NBEA: variants seen among roughly 807,000 people sequenced by gnomAD.
The protein encoded by NBEA is lysosomal-trafficking regulator 2.
Under a neutral mutation model 343.4 loss-of-function variants are expected in NBEA, and 44 were observed. The observed-to-expected ratio is 0.13, with a 90% CI of 0.10 to 0.16. The LOEUF is 0.16. NBEA is among the 10% of genes least tolerant of loss of function. The pLI is 1.00. For missense variants in NBEA, 2,555 were observed against 3,631.3 expected (o/e 0.70, Z 7.62); for synonymous variants, 1,175 against 1,238.7 (o/e 0.95, Z 1.08).
chr13:35,141,561 G>A (rs930320862), intron 17 of NBEA, among the ~76,000 whole-genome samples: 11 of 152,208 alleles, frequency 7.2e-5, no homozygotes, highest in South Asian at 2.1e-4. Flanking sequence ...CACTGTTCCC[G>A]GCCCAGATCT....
chr13:35,104,726 G>C (rs1351934759), intron 11 of NBEA, among the ~76,000 whole-genome samples: 1 of 151,846 alleles, frequency 6.6e-6, no homozygotes, highest in African/African-American at 2.4e-5. Flanking sequence ...TAGTATATGA[G>C]AGGCCTTTTT....
At chr13:35,186,959 A>T (rs1419649682) in intron 30 of NBEA, among the ~76,000 whole-genome samples, 3 of 152,092 alleles carry the variant, frequency 2.0e-5, no homozygotes, top group South Asian at 2.1e-4. Context: ...AATAACAAAA[A>T]CAGTTGTGCT....
chr13:35,172,091 C>G (rs1007738323), intron 26 of NBEA, among the ~76,000 whole-genome samples: 1 of 151,870 alleles, frequency 6.6e-6, no homozygotes, highest in Non-Finnish European at 1.5e-5. Flanking sequence ...TTTGTACTTG[C>G]CTTAGATCAT....
intron 40 of NBEA, among the ~76,000 whole-genome samples, chr13:35,463,517 C>T (rs2047016570): frequency 6.6e-6 from 1 of 151,894 alleles, no homozygotes. Flanking sequence ...CCCAAGTACT[C>T]AGGAGGCTGA....
In NBEA at chr13:35,606,556, A is replaced by G. The variant is rs1259640098; in HGVS notation, c.7427A>G (p.Asp2476Gly). The change falls in exon 48 of 59, where the codon GAC (aspartate) becomes GGC (glycine). Residue 2476 changes from aspartate to glycine, a missense_variant. Transcript: ENST00000379939. ...DLPPWAKKPE[D>G]FVRINRMALE... ...CCCCCTTGGGCAAAAAAACCTGAAG[A>G]CTTTGTGCGGATCAACAGGATGGTA... 1.9e-6 allele frequency: 3 copies of G among 1,604,682 alleles called. No individual in the cohort carries two copies. The highest frequency in any genetic ancestry group is 2.6e-6 in the Non-Finnish European group (3 of 1,174,016).
chr13:34,959,118 A>G (rs2059582952), intron 1 of NBEA, among the ~76,000 whole-genome samples: 1 of 152,190 alleles, frequency 6.6e-6, no homozygotes, highest in African/African-American at 2.4e-5. Context: ...GTAATAATAC[A>G]GTAACTAATT....
intron 18 of NBEA, among the ~76,000 whole-genome samples, chr13:35,150,831 G>GAGTAGAGTAGAGTAGAGTA (rs1555320215): frequency 2.0e-5 from 3 of 151,586 alleles, no homozygotes; most frequent in South Asian, 2.1e-4. Flanking sequence ...GAGTAGAGTA[G>GAGTAGAGTAGAGTAGAGTA]GAGGCCAGGC....
At chr13:35,127,502 A>G (rs142967186) in intron 17 of NBEA, among the ~76,000 whole-genome samples, 156 of 152,300 alleles carry the variant, frequency 1.0e-3, no homozygotes, top group Non-Finnish European at 2.1e-3. Flanking sequence ...ATAATGTACA[A>G]ATGACACAAC....
intron 38 of NBEA, among the ~76,000 whole-genome samples, chr13:35,367,508 A>G (rs2041187297): frequency 6.6e-6 from 1 of 151,040 alleles, no homozygotes; most frequent in Non-Finnish European, 1.5e-5. Context: ...TAGAAGTTAC[A>G]AATTGTAATA....
At chr13:35,113,594 T>TATCC (rs2066332411) in intron 13 of NBEA, among the ~76,000 whole-genome samples, 1 of 146,176 alleles carries the variant, frequency 6.8e-6, no homozygotes, top group Non-Finnish European at 1.5e-5. Context: ...CTCATCTATC[T>TATCC]ATCTATCTAT....
At chr13:35,647,338 T>C (rs1363214239) in intron 51 of NBEA, among the ~76,000 whole-genome samples, 1 of 152,116 alleles carries the variant, frequency 6.6e-6, no homozygotes, top group Admixed American at 6.5e-5. Context: ...AATTTTAGAG[T>C]AAAGAGCTCT....
At chr13:35,574,754 T>G (rs946780984) in intron 45 of NBEA, among the ~76,000 whole-genome samples, 4 of 146,302 alleles carry the variant, frequency 2.7e-5, no homozygotes, top group Non-Finnish European at 4.5e-5. Flanking sequence ...AAAGTGCCAA[T>G]AGATTTTTTT....
At chr13:35,436,032 G>A (rs1182315154) in intron 39 of NBEA, among the ~76,000 whole-genome samples, 1 of 150,386 alleles carries the variant, frequency 6.6e-6, no homozygotes. Flanking sequence ...AATCTGAAAA[G>A]CAATATAATA....
chr13:35,620,480 G>C (rs763996799), intron 48 of NBEA, among the ~76,000 whole-genome samples: 16 of 152,124 alleles, frequency 1.1e-4, no homozygotes, highest in Non-Finnish European at 2.4e-4. Context: ...GGAAAGGGTG[G>C]GCAAGTGGGC....
chr13:35,623,381 C>T (rs528414733), intron 48 of NBEA, among the ~76,000 whole-genome samples: 1 of 152,118 alleles, frequency 6.6e-6, no homozygotes, highest in Admixed American at 6.5e-5. Flanking sequence ...GCTAATGTTC[C>T]ATTCTTAGAT....
intron 34 of NBEA, among the ~76,000 whole-genome samples, chr13:35,239,697 G>T (rs981260364): frequency 1.3e-5 from 2 of 151,892 alleles, no homozygotes; most frequent in Non-Finnish European, 2.9e-5. Context: ...TATTCTATAG[G>T]TATATGTATA....
At chr13:35,346,344 A>G (rs1452198252) in intron 36 of NBEA, among the ~76,000 whole-genome samples, 5 of 152,148 alleles carry the variant, frequency 3.3e-5, no homozygotes, top group East Asian at 1.9e-4. Context: ...AAATATTCTA[A>G]TATCACATCT....
chr13:35,339,684 C>T (rs371775469), intron 36 of NBEA, among the ~76,000 whole-genome samples: 32 of 152,104 alleles, frequency 2.1e-4, no homozygotes, highest in African/African-American at 7.5e-4. Context: ...AACAAACAAT[C>T]GTGGCAGAAG....
chr13:35,290,559 CA>C (rs1731857719), intron 35 of NBEA, 109 bp downstream of exon 35: 2 of 687,500 alleles, frequency 2.9e-6, no homozygotes, highest in African/African-American at 1.9e-5. Flanking sequence ...TTAAAATTTC[CA>C]TCTATTATCC....
Sources: gnomAD v4.1 joint callset for allele counts (sites outside exome capture counted in the v4.1 genomes callset) on GRCh38, gnomAD v4.1.1 for gene constraint, MANE v1.5 for transcripts, NCBI Gene and HGNC (gene_info 2026-07-23, HGNC 2026-07-21) for gene names.